MED27: variants seen among roughly 807,000 people sequenced by gnomAD.
MED27 encodes the protein mediator complex subunit 27.
MED27 carries 30 observed loss-of-function variants against 38.2 expected under a neutral mutation model. The observed-to-expected ratio is 0.79, with a 90% CI of 0.59 to 1.07. The LOEUF (loss-of-function observed/expected upper bound fraction) is 1.07. Among genes scored for constraint, MED27 ranks in the 50% least tolerant of loss-of-function variants. MED27 has a pLI of 0.00. For synonymous variants in MED27, 122 were observed against 153.5 expected (o/e 0.79, Z 1.52); for missense variants, 289 against 397.5 (o/e 0.73, Z 2.32).
chr9:131,997,840 T>C lies in MED27; in HGVS notation c.479+16497A>G, dbSNP rs1057451959. 6.6e-6 allele frequency among the ~76,000 whole-genome samples: 1 copy of C among 152,138 alleles called. No homozygotes were observed. The highest frequency in any genetic ancestry group is 2.4e-5 in the African/African-American group (1 of 41,410). On this transcript the variant is annotated intron_variant, in intron 3 of 7. Coordinates refer to ENST00000292035, the MANE Select transcript of MED27 (RefSeq NM_004269.4). The surrounding 1 kb of genome is among the most constrained non-coding windows in gnomAD (Gnocchi z 4.0). ...AAGGACAGCGTTCAAACTACATGAGTGCTCTATGCGGTGGCTTTCATTATT... is the reference window on the plus strand; with the variant it reads ...AAGGACAGCGTTCAAACTACATGAGCGCTCTATGCGGTGGCTTTCATTATT...
chr9:132,066,206 G>A (rs954448240), intron 2 of MED27, among the ~76,000 whole-genome samples: 5 of 152,244 alleles, frequency 3.3e-5, no homozygotes, highest in Admixed American at 6.5e-5. Flanking sequence ...GGGCAAAGCC[G>A]GCTGAGCTAA....
At chr9:131,865,278 T>A (rs1838717556) in intron 6 of MED27, among the ~76,000 whole-genome samples, 1 of 152,184 alleles carries the variant, frequency 6.6e-6, no homozygotes, top group Admixed American at 6.5e-5. Flanking sequence ...AAATGAGCAA[T>A]GTTTTTTTTT....
chr9:132,040,252 G>A (rs773018138), intron 2 of MED27, among the ~76,000 whole-genome samples: 4 of 152,156 alleles, frequency 2.6e-5, no homozygotes, highest in Non-Finnish European at 5.9e-5. Flanking sequence ...TCCCTGCGGC[G>A]GGGAAATGAA....
At chr9:131,955,293 T>C (rs186583024) in intron 3 of MED27, among the ~76,000 whole-genome samples, 5 of 152,180 alleles carry the variant, frequency 3.3e-5, no homozygotes, top group Non-Finnish European at 5.9e-5. Flanking sequence ...GGGAAATTTA[T>C]AGTTTTTAAA....
At chr9:131,973,457 C>CTTTTTTTTTTTTTTTTTTTTTTT (rs747946439) in intron 3 of MED27, among the ~76,000 whole-genome samples, 2 of 122,172 alleles carry the variant, frequency 1.6e-5, no homozygotes, top group African/African-American at 3.1e-5. Context: ...TTTTTCTTTT[C>CTTTTTTTTTTTTTTTTTTTTTTT]TTTTTTTTTT....
In MED27 at chr9:131,862,577, C is replaced by A. The variant is rs1429086044; in HGVS notation, c.801+486G>T. Among the ~76,000 whole-genome samples, 2 of 152,208 alleles carry A rather than the reference C, an allele frequency of 1.3e-5. No homozygotes were observed. Among genetic ancestry groups the A allele is most frequent in the Non-Finnish European group, 2.9e-5 (2 of 68,048 alleles). ...TTTCAAACTAGTAGTGGTTGAAGAA[C>A]CAGCTCGCAAGATACTGAACAGGCA... On this transcript the variant is annotated intron_variant, in intron 7 of 7. Transcript: ENST00000292035. The surrounding 1 kb of genome is among the most constrained non-coding windows in gnomAD (Gnocchi z 4.6).
Position 131,949,485 on chromosome 9 carries a change from G to T in MED27, c.480-10011C>A, listed in dbSNP as rs140760421. Among the ~76,000 whole-genome samples, 1,344 of 152,274 alleles carry T rather than the reference G, an allele frequency of 8.8e-3. 10 individuals are homozygous for T. The highest frequency in any genetic ancestry group is 0.014 in the Non-Finnish European group (946 of 68,024). ...GTGACTTGCCCAGGAAGACACTATGGCTGAGTGGCACAGCTGAGCCCAGAA... is the reference window on the plus strand; with the variant it reads ...GTGACTTGCCCAGGAAGACACTATGTCTGAGTGGCACAGCTGAGCCCAGAA... On this transcript the variant is annotated intron_variant, in intron 3 of 7. Transcript: ENST00000292035.
In MED27 at chr9:131,889,668, C is replaced by T. The variant is rs145278392; in HGVS notation, c.681+4217G>A. Among the ~76,000 whole-genome samples, 95 of 152,284 alleles carry T rather than the reference C, an allele frequency of 6.2e-4. No individual in the cohort carries two copies. The highest frequency in any genetic ancestry group is 2.2e-3 in the African/African-American group (90 of 41,568). On this transcript the variant is annotated intron_variant, in intron 5 of 7. Coordinates refer to ENST00000292035, the MANE Select transcript of MED27 (RefSeq NM_004269.4). The surrounding 1 kb of genome is among the most constrained non-coding windows in gnomAD (Gnocchi z 4.2). ...TGCAAAGTGCAAAGTGATAGCCTTGCTGGGCTGGATTCTGATGGGGAAAAA... is the reference window on the plus strand; with the variant it reads ...TGCAAAGTGCAAAGTGATAGCCTTGTTGGGCTGGATTCTGATGGGGAAAAA...
At chr9:131,867,260 G>A (rs1474562456) in intron 6 of MED27, among the ~76,000 whole-genome samples, 3 of 152,120 alleles carry the variant, frequency 2.0e-5, no homozygotes, top group Non-Finnish European at 2.9e-5. Flanking sequence ...TGGGGACTGC[G>A]GGACAGGAGC....
At chr9:131,904,694 A>T (rs1361520352) in intron 4 of MED27, among the ~76,000 whole-genome samples, 1 of 152,128 alleles carries the variant, frequency 6.6e-6, no homozygotes, top group Admixed American at 6.5e-5. Context: ...TATTCCACTC[A>T]CGAGTGAACT....
intron 4 of MED27, among the ~76,000 whole-genome samples, chr9:131,916,392 C>T (rs6597536): frequency 0.86 from 131,198 of 152,222 alleles, 56,660 homozygotes; most frequent in Middle Eastern, 0.91. Flanking sequence ...CAGCTTGGGC[C>T]TCTGTGTTAA....
At chr9:131,878,573 C>T (rs1377056133) in intron 6 of MED27, among the ~76,000 whole-genome samples, 1 of 152,064 alleles carries the variant, frequency 6.6e-6, no homozygotes, top group Non-Finnish European at 1.5e-5. Flanking sequence ...TCTTGATGTC[C>T]CCTGCCTAAC....
intron 4 of MED27, among the ~76,000 whole-genome samples, chr9:131,894,840 T>C (rs1829799340): frequency 6.6e-6 from 1 of 152,054 alleles, no homozygotes; most frequent in African/African-American, 2.4e-5. Flanking sequence ...GGGGGGTGTT[T>C]GGGTCAAGGA....
intron 2 of MED27, chr9:132,032,083 A>C (rs1387799992): frequency 6.6e-6 from 1 of 152,226 alleles, no homozygotes; most frequent in African/African-American, 2.4e-5. Context: ...GCGAGGCGCT[A>C]AGCTTGGCCG....
At chr9:131,888,953 G>A (rs1004326953) in intron 5 of MED27, among the ~76,000 whole-genome samples, 5 of 152,056 alleles carry the variant, frequency 3.3e-5, no homozygotes, top group Admixed American at 3.3e-4. Context: ...ACAATTTCAG[G>A]GAATCCTCTG....
At chr9:131,972,697 A>T (rs1020309611) in intron 3 of MED27, among the ~76,000 whole-genome samples, 16 of 152,292 alleles carry the variant, frequency 1.1e-4, no homozygotes, top group African/African-American at 3.4e-4. Flanking sequence ...GGTCAAGAAG[A>T]CCCCTGGTAA....
chr9:132,047,886 GA>G (rs1247402029), intron 2 of MED27, among the ~76,000 whole-genome samples: 1 of 151,840 alleles, frequency 6.6e-6, no homozygotes, highest in Non-Finnish European at 1.5e-5. Flanking sequence ...CATTTACCTA[GA>G]AAAAAAGACT....
chr9:131,892,612 T>C (rs758560125), intron 5 of MED27, among the ~76,000 whole-genome samples: 6 of 152,200 alleles, frequency 3.9e-5, no homozygotes, highest in East Asian at 1.9e-4. Context: ...CAGGAGTGAC[T>C]ATGAAGTTGT....
In MED27 at chr9:131,870,065, T is replaced by C. The variant is rs759543266; in HGVS notation, c.724-6925A>G. On this transcript the variant is annotated intron_variant, in intron 6 of 7. Transcript: ENST00000292035. ...GCCAGTCAAAACAGTCTCCCAAAGC[T>C]CCTCTGCCATATTGTGTGCATGGAG... 1.4e-3 allele frequency among the ~76,000 whole-genome samples: 218 copies of C among 152,210 alleles called. 2 individuals carry two copies. The highest frequency in any genetic ancestry group is 3.5e-3 in the South Asian group (17 of 4,808).
Sources: allele counts gnomAD v4.1 joint callset (sites outside exome capture counted in the v4.1 genomes callset), GRCh38; gene constraint gnomAD v4.1.1; non-coding constraint Gnocchi (gnomAD v3.1); transcripts MANE v1.5; gene names NCBI Gene and HGNC (gene_info 2026-07-23, HGNC 2026-07-21).